TMEFF1: variants seen among roughly 807,000 people sequenced by gnomAD.
TMEFF1 encodes tomoregulin-1.
TMEFF1 carries 20 observed loss-of-function variants against 47.5 expected under a neutral mutation model. That is an observed-to-expected ratio of 0.42 (90% CI 0.30 to 0.61). The LOEUF is 0.61. TMEFF1 is among the 20% of genes least tolerant of loss of function. The pLI, the probability that TMEFF1 is intolerant of heterozygous loss-of-function variation, is 0.19. For synonymous variants in TMEFF1, 162 were observed against 166.3 expected (o/e 0.97, Z 0.20); for missense variants, 411 against 471.1 (o/e 0.87, Z 1.18).
Position 100,550,171 on chromosome 9 carries a change from A to G in TMEFF1, c.775+11A>G. ...GACCAGATGTGAAAGGTACTGAATC[A>G]TGCATCTCCAAATTTTGGCCAGCTA... On this transcript the variant is annotated intron_variant, in intron 7 of 9. Transcript: ENST00000374879. 6.2e-7 allele frequency: 1 copy of G among 1,605,994 alleles called. No individual in the cohort carries two copies. The highest frequency in any genetic ancestry group is 1.1e-5 in the South Asian group (1 of 89,096).
intron 5 of TMEFF1, among the ~76,000 whole-genome samples, chr9:100,532,113 C>T (rs1161069600): frequency 1.6e-4 from 25 of 151,990 alleles, no homozygotes; most frequent in East Asian, 7.7e-4. Context: ...AAGACTTAAA[C>T]GTTAGACCTA....
chr9:100,539,809 C>T (rs901067912), intron 5 of TMEFF1, among the ~76,000 whole-genome samples: 20 of 152,274 alleles, frequency 1.3e-4, no homozygotes, highest in African/African-American at 4.6e-4. Flanking sequence ...CAGATTGGTC[C>T]ATTTTACAGA....
chr9:100,517,644 G>T (rs1433573926), intron 5 of TMEFF1, among the ~76,000 whole-genome samples: 1 of 152,148 alleles, frequency 6.6e-6, no homozygotes, highest in Non-Finnish European at 1.5e-5. Context: ...TTCAAAGTGG[G>T]TGAGAACTGG....
intron 1 of TMEFF1, among the ~76,000 whole-genome samples, chr9:100,486,070 G>T (rs1234528019): frequency 7.0e-5 from 10 of 142,662 alleles, no homozygotes; most frequent in Admixed American, 1.4e-4. Flanking sequence ...TTCTGAGTCT[G>T]TCTTTTCCAT....
intron 9 of TMEFF1, among the ~76,000 whole-genome samples, chr9:100,573,617 G>A (rs1365692358): frequency 6.6e-6 from 1 of 152,128 alleles, no homozygotes; most frequent in Non-Finnish European, 1.5e-5. Context: ...CATTATTCTG[G>A]GCAGAGGGTT....
chr9:100,503,012 T>C (rs1837795886), intron 2 of TMEFF1, among the ~76,000 whole-genome samples: 1 of 152,216 alleles, frequency 6.6e-6, no homozygotes, highest in Non-Finnish European at 1.5e-5. Context: ...CCATTCTGCC[T>C]TCCTTTATAA....
chr9:100,543,254 T>C (rs1366183862), intron 5 of TMEFF1, among the ~76,000 whole-genome samples: 1 of 152,170 alleles, frequency 6.6e-6, no homozygotes, highest in Admixed American at 6.5e-5. Context: ...ATATGCACCA[T>C]GTCTTAGACT....
intron 5 of TMEFF1, among the ~76,000 whole-genome samples, chr9:100,533,262 C>T (rs144426927): frequency 6.6e-6 from 1 of 151,866 alleles, no homozygotes; most frequent in Non-Finnish European, 1.5e-5. Flanking sequence ...TGCCTGGATC[C>T]GATGCTATCT....
intron 1 of TMEFF1, among the ~76,000 whole-genome samples, chr9:100,492,153 G>A (rs1342487325): frequency 6.6e-6 from 1 of 152,136 alleles, no homozygotes; most frequent in Admixed American, 6.5e-5. Context: ...CAAAGTGCTG[G>A]GATTGCAGGC....
intron 3 of TMEFF1, among the ~76,000 whole-genome samples, chr9:100,510,682 C>T (rs1837945859): frequency 6.6e-6 from 1 of 151,994 alleles, no homozygotes; most frequent in African/African-American, 2.4e-5. Flanking sequence ...GCCATGTTGC[C>T]CAGGCTAGTC....
intron 8 of TMEFF1, among the ~76,000 whole-genome samples, chr9:100,563,334 G>A (rs1040317825): frequency 6.6e-6 from 1 of 152,200 alleles, no homozygotes; most frequent in African/African-American, 2.4e-5. Flanking sequence ...TAGAAGTTTG[G>A]ATCTTGTCCT....
At chr9:100,558,668 T>C (rs1269056264) in intron 7 of TMEFF1, among the ~76,000 whole-genome samples, 1 of 151,900 alleles carries the variant, frequency 6.6e-6, no homozygotes, top group Non-Finnish European at 1.5e-5. Context: ...TATTGGATAA[T>C]AATTTTGTCA....
chr9:100,554,475 TA>T (rs1210358954), intron 7 of TMEFF1, among the ~76,000 whole-genome samples: 1 of 151,778 alleles, frequency 6.6e-6, no homozygotes, highest in African/African-American at 2.4e-5. Context: ...ATCTAGGAAG[TA>T]ATGTGGCCTT....
In TMEFF1 at chr9:100,477,027, G is replaced by A. The variant is rs375893804; in HGVS notation, c.196+3287G>A. Among the ~76,000 whole-genome samples, 6 of 152,218 alleles carry A rather than the reference G, an allele frequency of 3.9e-5. No individual in the cohort carries two copies. In the East Asian group the frequency reaches 9.6e-4, roughly 24 times the overall value. On this transcript the variant is annotated intron_variant, in intron 1 of 9. Transcript: ENST00000374879. Reference sequence around the variant, plus strand: ...AGTTTTAAAACTAAATACAGCCCTCGATTCCCTGTAGATATTCATTTTTGG... The same window carrying A: ...AGTTTTAAAACTAAATACAGCCCTCAATTCCCTGTAGATATTCATTTTTGG...
In TMEFF1 at chr9:100,513,301, T is replaced by C. The variant is rs750739053; in HGVS notation, c.437-6T>C. Reference sequence around the variant, plus strand: ...GTTCATATTCATTCTTTGTTTTTCTTCTCAGATAATGGATCTGGATCTGGA... The same window carrying C: ...GTTCATATTCATTCTTTGTTTTTCTCCTCAGATAATGGATCTGGATCTGGA... On this transcript the variant is annotated splice_region_variant and splice_polypyrimidine_tract_variant and intron_variant, in intron 3 of 9. Transcript: ENST00000374879. 1.3e-6 allele frequency: 2 copies of C among 1,596,688 alleles called. No homozygotes were observed. The highest frequency in any genetic ancestry group is 1.2e-5 in the South Asian group (1 of 85,924).
rs35255178 is a variant in TMEFF1, at chr9:100,473,832, C to G, written c.196+92C>G. ...GCGGTCGGCCGGGCTGGGAAAGACC[C>G]CGTCGTGGGGGTCCCAGGGGTGGGC... On this transcript the variant is annotated intron_variant, in intron 1 of 9. Transcript: ENST00000374879. The surrounding 1 kb of genome is among the most constrained non-coding windows in gnomAD (Gnocchi z 5.4). The G allele has an allele frequency of 2.2e-6, 3 of 1,350,332 alleles. No homozygotes were observed. The highest frequency in any genetic ancestry group is 3.1e-5 in the Admixed American group (1 of 31,798). 83.6% of individuals were successfully genotyped at this position (1,350,332 alleles called of 1,614,324 possible).
At chr9:100,499,133 A>G (rs373171490) in intron 2 of TMEFF1, among the ~76,000 whole-genome samples, 25 of 152,328 alleles carry the variant, frequency 1.6e-4, no homozygotes, top group African/African-American at 6.0e-4. Context: ...AATGTAAGGT[A>G]TAATTGTCAC....
In TMEFF1 at chr9:100,525,957, C is replaced by T. The variant is rs1400711170; in HGVS notation, c.560+9186C>T. On this transcript the variant is annotated intron_variant, in intron 5 of 9. Coordinates refer to ENST00000374879, the MANE Select transcript of TMEFF1 (RefSeq NM_003692.5). Reference sequence around the variant, plus strand: ...GTATTTCTTCTATTTTTGCTTCTAACTTCTTGGTTTTACTCTCCTATTTTA... The same window carrying T: ...GTATTTCTTCTATTTTTGCTTCTAATTTCTTGGTTTTACTCTCCTATTTTA... Among the ~76,000 whole-genome samples, 5 of 152,298 alleles carry T rather than the reference C, an allele frequency of 3.3e-5. No homozygotes were observed. The East Asian group carries it at 9.6e-4, about 29-fold the overall frequency.
At chr9:100,570,241 G>C (rs1050876675) in intron 8 of TMEFF1, among the ~76,000 whole-genome samples, 1 of 152,000 alleles carries the variant, frequency 6.6e-6, no homozygotes, top group African/African-American at 2.4e-5. Flanking sequence ...CAATAAACGT[G>C]GTAGTGCAGA....
Sources: allele counts gnomAD v4.1 joint callset (sites outside exome capture counted in the v4.1 genomes callset), GRCh38; gene constraint gnomAD v4.1.1; non-coding constraint Gnocchi (gnomAD v3.1); transcripts MANE v1.5; gene names NCBI Gene and HGNC (gene_info 2026-07-23, HGNC 2026-07-21).